Variants in L3MBTL3 observed in about 807,000 individuals in gnomAD.
L3MBTL3 encodes lethal(3)malignant brain tumor-like protein 3.
Under a neutral mutation model 102.3 loss-of-function variants are expected in L3MBTL3, and 27 were observed. The ratio of observed to expected loss-of-function variants is 0.26; its 90% confidence interval spans 0.19 to 0.36. The LOEUF is 0.36. L3MBTL3 is among the 10% of genes least tolerant of loss of function. The probability of loss-of-function intolerance (pLI) is 1.00; values close to 1 mark genes in which losing one functional copy is unlikely to be tolerated. For synonymous variants in L3MBTL3, 340 were observed against 320.9 expected (o/e 1.06, Z -0.64); for missense variants, 798 against 955.3 (o/e 0.84, Z 2.17).
intron 19 of L3MBTL3, among the ~76,000 whole-genome samples, chr6:130,118,727 G>C (rs532331769): frequency 6.6e-6 from 1 of 152,308 alleles, no homozygotes; most frequent in African/African-American, 2.4e-5. Flanking sequence ...AGTGTCATGA[G>C]TTAAAACTGG....
At chr6:130,042,954 G>A (rs554982680) in intron 3 of L3MBTL3, among the ~76,000 whole-genome samples, 153 bp downstream of exon 3, 1 of 152,306 alleles carries the variant, frequency 6.6e-6, no homozygotes, top group East Asian at 1.9e-4. Context: ...AAATTTGCAA[G>A]ACAATTTGAA....
chr6:130,133,961 G>T lies in L3MBTL3; in HGVS notation c.2199+56G>T. 7.4e-7 allele frequency: 1 copy of T among 1,350,354 alleles called. No homozygotes were observed. The highest frequency in any genetic ancestry group is 1.1e-6 in the Non-Finnish European group (1 of 943,334). 83.6% of individuals were successfully genotyped at this position (1,350,354 alleles called of 1,614,324 possible). On this transcript the variant is annotated intron_variant, in intron 22 of 22. Transcript: ENST00000361794. This position sits in a 1 kb window ranked among gnomAD's most constrained non-coding sequence, Gnocchi z 4.9. ...CTTAATGGGATCAAAGCACTGAAAT[G>T]CAGTGGAAGGTGAAATGTGTGGAAT... is the stretch of plus-strand genomic sequence containing the variant.
chr6:130,125,267 G>A (rs918828322), intron 20 of L3MBTL3, among the ~76,000 whole-genome samples: 5 of 152,162 alleles, frequency 3.3e-5, no homozygotes, highest in African/African-American at 7.2e-5. Context: ...TCGTTCTGTC[G>A]AGTGTGCTAT....
Position 130,083,643 on chromosome 6 carries a change from TC to T in L3MBTL3, c.1346del (p.Ser449PhefsTer6). On this transcript the variant is annotated frameshift_variant, in exon 15 of 23. Coordinates refer to ENST00000361794, the MANE Select transcript of L3MBTL3 (RefSeq NM_032438.4). LOFTEE classifies it high-confidence loss of function. ...PPGYPNVKHF[S>X]WDKYLEETNS... ...AGGTTATCCAAATGTGAAACATTTT[TC>T]TTGGGATAAATACTTAGAAGAAACC... 6.5e-7 allele frequency: 1 copy of T among 1,539,098 alleles called. No homozygotes were observed. Among genetic ancestry groups the T allele is most frequent in the Non-Finnish European group, 8.8e-7 (1 of 1,141,712 alleles).
intron 16 of L3MBTL3, among the ~76,000 whole-genome samples, chr6:130,091,380 AC>A (rs1784037556): frequency 6.6e-6 from 1 of 152,306 alleles, no homozygotes; most frequent in South Asian, 2.1e-4. Flanking sequence ...AGTTGATATA[AC>A]TGGCAAAGTT....
At chr6:130,097,152 G>T (rs1377002753) in intron 18 of L3MBTL3, among the ~76,000 whole-genome samples, 1 of 152,138 alleles carries the variant, frequency 6.6e-6, no homozygotes, top group African/African-American at 2.4e-5. Context: ...TCTTTTTCTG[G>T]CCGGGTATTA....
intron 14 of L3MBTL3, among the ~76,000 whole-genome samples, chr6:130,079,573 T>TGGGGA: frequency 6.6e-6 from 1 of 152,290 alleles, no homozygotes; most frequent in East Asian, 1.9e-4. Context: ...AAAGCATCCC[T>TGGGGA]GCGCAGTAGA....
chr6:130,128,814 G>A (rs1211784838), intron 20 of L3MBTL3, among the ~76,000 whole-genome samples: 1 of 152,154 alleles, frequency 6.6e-6, no homozygotes. Context: ...GGAGTGTTTT[G>A]TGGTTTCTTT....
intron 3 of L3MBTL3, among the ~76,000 whole-genome samples, chr6:130,047,402 C>T (rs1294814510): frequency 6.6e-6 from 1 of 152,164 alleles, no homozygotes; most frequent in Non-Finnish European, 1.5e-5. Flanking sequence ...GTATTTGAAC[C>T]TGAAGCTTCC....
intron 17 of L3MBTL3, 119 bp from the exon 18 acceptor site, chr6:130,094,146 G>A: frequency 1.7e-6 from 1 of 593,678 alleles, no homozygotes; most frequent in Admixed American, 3.4e-5. Context: ...ATGTATGTTG[G>A]TTAAAAAATT....
chr6:130,029,767 T>G (rs148617295), intron 2 of L3MBTL3, among the ~76,000 whole-genome samples: 1 of 152,258 alleles, frequency 6.6e-6, no homozygotes, highest in East Asian at 1.9e-4. Flanking sequence ...AGAGATCTGA[T>G]AAACTGGTTC....
intron 13 of L3MBTL3, 119 bp downstream of exon 13, chr6:130,071,246 C>T: frequency 2.3e-6 from 2 of 860,122 alleles, no homozygotes; most frequent in Non-Finnish European, 3.5e-6. Flanking sequence ...CCCACTTTTT[C>T]CTGTTACAGA....
At chr6:130,130,373 CTAA>C (rs1445077158) in intron 20 of L3MBTL3, among the ~76,000 whole-genome samples, 1 of 152,100 alleles carries the variant, frequency 6.6e-6, no homozygotes, top group Non-Finnish European at 1.5e-5. Flanking sequence ...TTGGAAAAGA[CTAA>C]TTATATGGCA....
chr6:130,067,455 A>G (rs1295810708), intron 11 of L3MBTL3, among the ~76,000 whole-genome samples: 3 of 152,168 alleles, frequency 2.0e-5, no homozygotes, highest in Admixed American at 6.5e-5. Context: ...CAATCATTAC[A>G]TTGATTTTTG....
At chr6:130,111,430 G>A (rs1288058843) in intron 19 of L3MBTL3, among the ~76,000 whole-genome samples, 1 of 152,202 alleles carries the variant, frequency 6.6e-6, no homozygotes, top group Admixed American at 6.5e-5. Flanking sequence ...GCCCAGGGAA[G>A]TCCTGCAGGA....
intron 11 of L3MBTL3, among the ~76,000 whole-genome samples, chr6:130,067,181 T>C (rs966103462): frequency 1.3e-5 from 2 of 152,132 alleles, no homozygotes; most frequent in Admixed American, 6.5e-5. Context: ...TGGTGTGATA[T>C]TGGCTCACTG....
intron 19 of L3MBTL3, among the ~76,000 whole-genome samples, chr6:130,117,137 C>A (rs1444247788): frequency 9.3e-6 from 1 of 107,606 alleles, no homozygotes; most frequent in Admixed American, 1.0e-4. Context: ...CCCACCCCAC[C>A]ACAGTCCCCA....
intron 20 of L3MBTL3, among the ~76,000 whole-genome samples, chr6:130,122,947 T>G (rs181845346): frequency 1.3e-5 from 2 of 152,218 alleles, no homozygotes; most frequent in Non-Finnish European, 2.9e-5. Context: ...AGTAGTAGTA[T>G]TGTGGAATAA....
chr6:130,113,558 C>T (rs1399220447), intron 19 of L3MBTL3, among the ~76,000 whole-genome samples: 3 of 152,314 alleles, frequency 2.0e-5, no homozygotes, highest in African/African-American at 7.2e-5. Context: ...AATAAAGCAG[C>T]TTTAAAATGC....
Sources: allele counts gnomAD v4.1 joint callset (sites outside exome capture counted in the v4.1 genomes callset), GRCh38; gene constraint gnomAD v4.1.1; non-coding constraint Gnocchi (gnomAD v3.1); transcripts MANE v1.5; gene names NCBI Gene and HGNC (gene_info 2026-07-23, HGNC 2026-07-21).